Variants in STAG1 observed in about 807,000 individuals in gnomAD.
STAG1 encodes the protein STAG1 cohesin complex component.
STAG1 carries 26 observed loss-of-function variants against 170.9 expected under a neutral mutation model. The ratio of observed to expected loss-of-function variants is 0.15; its 90% CI spans 0.11 to 0.21. The LOEUF is 0.21. STAG1 is among the 10% of genes least tolerant of loss of function. The pLI is 1.00. For synonymous variants in STAG1, 514 were observed against 497.7 expected (o/e 1.03, Z -0.44); for missense variants, 964 against 1,509.5 (o/e 0.64, Z 5.99).
chr3:136,412,097 T>A (rs2087640847), intron 21 of STAG1, among the ~76,000 whole-genome samples: 1 of 152,098 alleles, frequency 6.6e-6, no homozygotes, highest in South Asian at 2.1e-4. Context: ...TGGCCAAATC[T>A]GCTACAATTT....
At chr3:136,498,504 G>C (rs1264640425) in intron 9 of STAG1, among the ~76,000 whole-genome samples, 1 of 151,616 alleles carries the variant, frequency 6.6e-6, no homozygotes, top group Non-Finnish European at 1.5e-5. Flanking sequence ...AGAACAACAG[G>C]AAGGGAGGTA....
intron 1 of STAG1, among the ~76,000 whole-genome samples, chr3:136,648,682 T>G (rs1941114233): frequency 6.6e-6 from 1 of 152,168 alleles, no homozygotes; most frequent in South Asian, 2.1e-4. Context: ...CAGTCTTGAT[T>G]TCCCCTTCTA....
intron 8 of STAG1, among the ~76,000 whole-genome samples, 187 bp downstream of exon 8, chr3:136,502,441 T>C (rs1933534646): frequency 1.3e-5 from 2 of 152,208 alleles, no homozygotes; most frequent in African/African-American, 4.8e-5. Flanking sequence ...CTATGATTCC[T>C]TTCTGCCATC....
intron 22 of STAG1, among the ~76,000 whole-genome samples, chr3:136,379,240 T>C (rs569874857): frequency 4.6e-5 from 7 of 152,118 alleles, no homozygotes; most frequent in Admixed American, 1.3e-4. Flanking sequence ...TGCAATATAG[T>C]GTAAGGAGTG....
chr3:136,410,047 G>A (rs2087581613), intron 21 of STAG1, among the ~76,000 whole-genome samples: 2 of 133,580 alleles, frequency 1.5e-5, no homozygotes, highest in Non-Finnish European at 3.1e-5. Context: ...TCCAATCTGT[G>A]CAACAGGGAA....
intron 7 of STAG1, among the ~76,000 whole-genome samples, chr3:136,507,031 C>T (rs778571971): frequency 2.6e-5 from 4 of 152,324 alleles, no homozygotes; most frequent in South Asian, 2.1e-4. Flanking sequence ...TATAAACATA[C>T]TTATTCATTT....
chr3:136,658,216 T>A (rs1941460011), intron 1 of STAG1, among the ~76,000 whole-genome samples: 2 of 151,934 alleles, frequency 1.3e-5, no homozygotes, highest in African/African-American at 4.8e-5. Flanking sequence ...AAAAAAGCAT[T>A]TCCAAGGGGT....
intron 29 of STAG1, among the ~76,000 whole-genome samples, chr3:136,348,337 A>G (rs1433020624): frequency 6.7e-6 from 1 of 149,880 alleles, no homozygotes; most frequent in East Asian, 1.9e-4. Context: ...TGTTGATCAG[A>G]TTTTCATGAC....
chr3:136,446,396 T>C (rs1158032024), intron 14 of STAG1, among the ~76,000 whole-genome samples: 10 of 152,036 alleles, frequency 6.6e-5, no homozygotes, highest in Admixed American at 6.6e-4. Context: ...TGTCCTTTGA[T>C]TTGGTTCTTT....
intron 13 of STAG1, among the ~76,000 whole-genome samples, chr3:136,457,460 G>A (rs1240181297): frequency 2.0e-5 from 3 of 152,066 alleles, no homozygotes; most frequent in East Asian, 1.9e-4. Flanking sequence ...ACATCCAAAC[G>A]TCCTCACCAC....
intron 7 of STAG1, among the ~76,000 whole-genome samples, chr3:136,519,448 A>G (rs1384413230): frequency 2.0e-5 from 3 of 152,098 alleles, no homozygotes; most frequent in East Asian, 1.9e-4. Flanking sequence ...GGAAACCCAG[A>G]TAATAACTTC....
intron 1 of STAG1, among the ~76,000 whole-genome samples, chr3:136,663,349 C>T (rs1941643051): frequency 6.6e-6 from 1 of 152,084 alleles, no homozygotes; most frequent in South Asian, 2.1e-4. Flanking sequence ...ACTATTCCTA[C>T]TTTAGAATAA....
intron 10 of STAG1, among the ~76,000 whole-genome samples, chr3:136,476,727 T>C (rs1385713584): frequency 1.3e-5 from 2 of 152,206 alleles, no homozygotes; most frequent in African/African-American, 4.8e-5. Context: ...TTATTTCTAT[T>C]ACAGTACGTA....
Position 136,602,357 on chromosome 3 carries a change from G to A in STAG1, c.297+1952C>T, listed in dbSNP as rs578081305. Among the ~76,000 whole-genome samples, 247 of 141,470 alleles carry A rather than the reference G, an allele frequency of 1.7e-3. No individual in the cohort carries two copies. In the Middle Eastern group the frequency reaches 0.021, roughly 12 times the overall value. 92.8% of individuals were successfully genotyped at this position (141,470 alleles called of 152,430 possible). ...TCACGCCACTGCACTCCAGCCTGGC[G>A]ACAGAGAGACACTCCATCTCAAACA... On this transcript the variant is annotated intron_variant, in intron 4 of 33. Transcript: ENST00000383202.
chr3:136,527,492 G>A (rs929398108), intron 6 of STAG1, among the ~76,000 whole-genome samples: 4 of 152,150 alleles, frequency 2.6e-5, no homozygotes, highest in South Asian at 2.1e-4. Context: ...TTAGCCATTC[G>A]TCCAGTCTTT....
At chr3:136,378,493 G>A (rs552202546) in intron 22 of STAG1, among the ~76,000 whole-genome samples, 4 of 152,284 alleles carry the variant, frequency 2.6e-5, no homozygotes, top group African/African-American at 9.6e-5. Flanking sequence ...CCAAGAGTTG[G>A]AGACCAGCGT....
chr3:136,371,414 A>T (rs1252390897), intron 23 of STAG1, among the ~76,000 whole-genome samples: 2 of 152,154 alleles, frequency 1.3e-5, no homozygotes, highest in East Asian at 3.9e-4. Context: ...GGTGTTTTAG[A>T]CATGAAGTCC....
In STAG1 at chr3:136,341,503, T is replaced by G. The variant is rs771201286; in HGVS notation, c.3495A>C (p.Leu1165Phe). 2 of 1,613,962 alleles carry G rather than the reference T, an allele frequency of 1.2e-6. No individual in the cohort carries two copies. The highest frequency in any genetic ancestry group is 1.7e-6 in the Non-Finnish European group (2 of 1,179,942). Residue 1165 changes from leucine (L) to phenylalanine (F), a missense_variant, in exon 31 of 34, where the codon TTA becomes TTC. Around this residue, in one of 11 missense-constraint regions of STAG1, gnomAD observed 122 missense variants for 129.0 expected, o/e 0.95. Transcript: ENST00000383202. ...SWLGQPKLED[L>F]NRKDRTGMNY... ...TCATTCCTGTTCTGTCCTTCCGATT[T>G]AAGTCTTCTAACTTCGGCTGGCCTA...
intron 5 of STAG1, among the ~76,000 whole-genome samples, chr3:136,550,376 T>C (rs943339036): frequency 1.3e-4 from 20 of 151,940 alleles, no homozygotes; most frequent in African/African-American, 4.8e-4. Context: ...GGCGCGATCT[T>C]GGCTCACCGC....
Sources: gnomAD v4.1 joint callset for allele counts (sites outside exome capture counted in the v4.1 genomes callset) on GRCh38, gnomAD v4.1.1 for gene constraint, gnomAD v4.1.1 regional missense constraint, MANE v1.5 for transcripts, NCBI Gene and HGNC (gene_info 2026-07-23, HGNC 2026-07-21) for gene names.